NKPD1: variants seen among roughly 807,000 people sequenced by gnomAD.
The protein encoded by NKPD1 is NTPase KAP family P-loop domain containing 1, also known as NTPase KAP family P-loop domain-containing protein 1.
In NKPD1, 37 loss-of-function variants were observed where a neutral mutation model predicts 42.2. That is an observed-to-expected ratio of 0.88 (90% CI 0.67 to 1.15). The LOEUF is 1.15. NKPD1 is among the 50% of genes most tolerant of loss of function. The probability of loss-of-function intolerance (pLI) is 0.00; values close to 1 mark genes in which losing one functional copy is unlikely to be tolerated. For synonymous variants in NKPD1, 552 were observed against 536.5 expected (o/e 1.03, Z -0.40); for missense variants, 1,113 against 1,174.6 (o/e 0.95, Z 0.77).
In NKPD1 at chr19:45,151,572, G is replaced by A. The variant is rs752659658; in HGVS notation, c.*366C>T. The A allele has an allele frequency of 6.9e-5, 14 of 203,386 alleles. No homozygotes were observed. Among genetic ancestry groups the A allele is most frequent in the Admixed American group, 1.2e-4 (2 of 16,744 alleles). 12.6% of individuals were successfully genotyped at this position (203,386 alleles called of 1,614,324 possible). On this transcript the variant is annotated 3_prime_UTR_variant, in exon 5 of 5. Coordinates refer to ENST00000686631, the MANE Select transcript of NKPD1 (RefSeq NM_198478.4). Reference sequence around the variant, plus strand: ...TGCCACAGAGATGCCAGATGAGGAGGCCAGCATGGTGCAGAGGAGTAAGTG... The same window carrying A: ...TGCCACAGAGATGCCAGATGAGGAGACCAGCATGGTGCAGAGGAGTAAGTG...
Position 45,151,696 on chromosome 19 carries a change from C to A in NKPD1, c.*242G>T. On this transcript the variant is annotated 3_prime_UTR_variant, in exon 5 of 5. Transcript: ENST00000686631. ...AGCAACTCCGGGCTCTCAACACCTC[C>A]ATTTATTGCATGTATACCCTGACTT... is the stretch of plus-strand genomic sequence containing the variant. 6.4e-6 allele frequency: 3 copies of A among 471,418 alleles called. No individual in the cohort carries two copies. Among genetic ancestry groups the A allele is most frequent in the Middle Eastern group, 5.4e-4 (1 of 1,850 alleles). 29.2% of individuals were successfully genotyped at this position (471,418 alleles called of 1,614,324 possible). A position where few individuals can be genotyped will look rare whatever the true frequency, so the allele number is the denominator to read the frequency against.
Position 45,155,842 on chromosome 19 carries a change from CGGTCACAGGGACCG to C in NKPD1, c.590_603del (p.Pro197ArgfsTer81). ...CAGCCGAAAGGGGCATAGAAACCCA[CGGTCACAGGGACCG>C]GCACGTGGCAGAGTGTCTTGGCCAG... On this transcript the variant is annotated frameshift_variant, in exon 4 of 5. Transcript: ENST00000686631. LOFTEE classifies it high-confidence loss of function. The C allele has an allele frequency of 7.7e-7, 1 of 1,305,396 alleles. No homozygotes were observed. Among genetic ancestry groups the C allele is most frequent in the South Asian group, 1.2e-5 (1 of 81,036 alleles). 80.9% of individuals were successfully genotyped at this position (1,305,396 alleles called of 1,614,324 possible).
chr19:45,161,393 T>C (rs973425138), upstream of NKPD1, among the ~76,000 whole-genome samples: 1 of 152,220 alleles, frequency 6.6e-6, no homozygotes, highest in Admixed American at 6.5e-5. Context: ...GCTCAGGGCC[T>C]GGCGCACCTG....
chr19:45,156,617 G>T (rs556046391), intron 3 of NKPD1, among the ~76,000 whole-genome samples: 1 of 152,348 alleles, frequency 6.6e-6, no homozygotes, highest in South Asian at 2.1e-4. Flanking sequence ...TCAATGTCAT[G>T]GTCTCCAGTG....
chr19:45,161,897 T>A (rs925337691), upstream of NKPD1, among the ~76,000 whole-genome samples: 8 of 152,066 alleles, frequency 5.3e-5, no homozygotes, highest in East Asian at 1.2e-3. Context: ...CAGGACAAGA[T>A]AAAGGGAACC....
rs1373788375 is a variant in NKPD1, at chr19:45,149,900, T to C, written c.*2038A>G. 1 of 152,050 alleles carries C rather than the reference T, an allele frequency of 6.6e-6. No homozygotes were observed. Among genetic ancestry groups the C allele is most frequent in the Non-Finnish European group, 1.5e-5 (1 of 68,026 alleles). The allele number at this position is 152,050 out of a possible 1,614,324, so 9.4% of individuals were successfully genotyped here. A position where few individuals can be genotyped will look rare whatever the true frequency, so the allele number is the denominator to read the frequency against. On this transcript the variant is annotated 3_prime_UTR_variant, in exon 5 of 5. Transcript: ENST00000686631. ...AAGGATCCCGGATCAAGTGGGCAGA[T>C]GGGGGAAGGGAGTGGAGAAGGGAAA... is the stretch of plus-strand genomic sequence containing the variant.
intron 2 of NKPD1, among the ~76,000 whole-genome samples, chr19:45,159,493 G>A (rs1419573882): frequency 4.6e-5 from 7 of 152,150 alleles, no homozygotes; most frequent in African/African-American, 1.7e-4. Flanking sequence ...AGGCCGGAGT[G>A]ATGGGTGGTG....
At position 45,152,758 on chromosome 19, in the gene NKPD1, G is replaced by T. The variant is rs757630488; in HGVS notation, c.1679C>A (p.Pro560Gln). ...DLLYREMTRK[P>Q]WLPGDAGGES... ...GCCCCCGGCGTCCCCCGGCAGCCAC[G>T]GCTTGCGCGTCATCTCGCGGTACAA... The change falls in exon 5 of 5, where the codon CCG (proline) becomes CAG (glutamine). Residue 560 changes from proline to glutamine, a missense_variant. Pro to Gln is a moderately conservative substitution (Grantham distance 76). Transcript: ENST00000686631. 6.3e-7 allele frequency: 1 copy of T among 1,595,032 alleles called. No homozygotes were observed. The highest frequency in any genetic ancestry group is 1.7e-5 in the Admixed American group (1 of 58,448).
upstream of NKPD1, among the ~76,000 whole-genome samples, chr19:45,161,691 T>C (rs939167011): frequency 6.6e-6 from 1 of 152,140 alleles, no homozygotes; most frequent in African/African-American, 2.4e-5. Context: ...GGGCCAGCAC[T>C]CAGTGACTGC....
chr19:45,153,091 C>G lies in NKPD1; in HGVS notation c.1346G>C (p.Arg449Pro). 2 of 1,575,336 alleles carry G rather than the reference C, an allele frequency of 1.3e-6. No individual in the cohort carries two copies. Among genetic ancestry groups the G allele is most frequent in the Non-Finnish European group, 1.7e-6 (2 of 1,161,024 alleles). The change falls in exon 5 of 5, where the codon CGG (arginine) becomes CCG (proline). Residue 449 changes from arginine (R) to proline (P), a missense_variant. Physicochemically the swap from Arg to Pro is moderately radical, Grantham distance 103. Transcript: ENST00000686631. ...CTCCAGCACCACGCGCAGCCTGCGC[C>G]GCTGGTAGATCTCCAGGAAGCACAG... ...DFLCFLEIYQ[R>P]RRLRVVLEVT...
Position 45,152,158 on chromosome 19 carries a change from A to C in NKPD1, c.2279T>G (p.Val760Gly). The C allele has an allele frequency of 1.3e-6, 2 of 1,596,806 alleles. No homozygotes were observed. Among genetic ancestry groups the C allele is most frequent in the Non-Finnish European group, 1.7e-6 (2 of 1,172,870 alleles). The stretch of plus-strand genomic sequence containing the variant: ...CGGGCTGGGCGGCTTGAGCGCGCTG[A>C]CGGCTCGGATGAGACCCATGCGCCG... ...IRRRMGLIRA[V>G]SALKPPSPPK... The change falls in exon 5 of 5, where the codon GTC (valine) becomes GGC (glycine). Residue 760 changes from valine (V) to glycine (G), a missense_variant. By Grantham distance (109) the Val-to-Gly change is moderately radical. Coordinates refer to ENST00000686631, the MANE Select transcript of NKPD1 (RefSeq NM_198478.4).
At chr19:45,162,533 C>G (rs1969028153), upstream of NKPD1, among the ~76,000 whole-genome samples, 1 of 152,098 alleles carries the variant, frequency 6.6e-6, no homozygotes, top group African/African-American at 2.4e-5. Context: ...AAGGGCCACT[C>G]TGCCCAGGGA....
rs572358357 is a variant in NKPD1 at position 45,158,747 on chromosome 19, C to T, written c.445G>A (p.Val149Ile). 41 of 1,213,186 alleles carry T rather than the reference C, an allele frequency of 3.4e-5. No homozygotes were observed. The highest frequency in any genetic ancestry group is 4.8e-5 in the African/African-American group (3 of 62,230). 75.2% of individuals were successfully genotyped at this position (1,213,186 alleles called of 1,614,324 possible). A position where few individuals can be genotyped will look rare whatever the true frequency, so the allele number is the denominator to read the frequency against. ...GTGGGCTCGCTGGGCTTCAGGAGGA[C>T]GCCAGCCGCGGAGGGTAGAGCTGGG... ...SGPALPSAAG[V>I]LLKPSEPTDA... The change falls in exon 3 of 5, where the codon GTC (valine) becomes ATC (isoleucine). Residue 149 changes from valine (V) to isoleucine (I), a missense_variant. Physicochemically the swap from Val to Ile is conservative, Grantham distance 29. Around this residue, in one of 3 missense-constraint regions of NKPD1, gnomAD observed 204 missense variants for 227.8 expected, o/e 0.90. Transcript: ENST00000686631. This position sits in a 1 kb window ranked among gnomAD's most constrained non-coding sequence, Gnocchi z 4.6.
chr19:45,152,895 G>C lies in NKPD1; in HGVS notation c.1542C>G (p.Asn514Lys). Residue 514 changes from asparagine to lysine, a missense_variant, in exon 5 of 5, where the codon AAC becomes AAG. Asn to Lys is a moderately conservative substitution (Grantham distance 94). Coordinates refer to ENST00000686631, the MANE Select transcript of NKPD1 (RefSeq NM_198478.4). ...SAGNMKGTAD[N>K]GYLFLNRTVT... ...CAGTGCGGTTGAGGAAGAGGTAGCCGTTATCGGCCGTGCCCTTCATGTTGC... is the reference window on the plus strand; with the variant it reads ...CAGTGCGGTTGAGGAAGAGGTAGCCCTTATCGGCCGTGCCCTTCATGTTGC... The C allele has an allele frequency of 6.3e-7, 1 of 1,582,318 alleles. No homozygotes were observed. The highest frequency in any genetic ancestry group is 8.6e-7 in the Non-Finnish European group (1 of 1,161,522).
Position 45,160,251 on chromosome 19 carries a change from C to G in NKPD1, c.-71-30G>C. The G allele has an allele frequency of 4.8e-6, 3 of 629,802 alleles. No individual in the cohort carries two copies. The South Asian group carries it at 5.2e-5, about 11-fold the overall frequency. 39.0% of individuals were successfully genotyped at this position (629,802 alleles called of 1,614,324 possible). ...GGCACGAACAGCAGAGAGCTGAGGT[C>G]AGGGTCCCTGCCCTGCCCGACAGCT... is the stretch of plus-strand genomic sequence containing the variant. On this transcript the variant is annotated intron_variant, in intron 1 of 4. Coordinates refer to ENST00000686631, the MANE Select transcript of NKPD1 (RefSeq NM_198478.4).
At position 45,160,982 on chromosome 19, in the gene NKPD1, C is replaced by G. The variant is rs949503246; in HGVS notation, c.-129G>C. Among the ~76,000 whole-genome samples, 1 of 152,134 alleles carries G rather than the reference C, an allele frequency of 6.6e-6. No homozygotes were observed. The highest frequency in any genetic ancestry group is 6.5e-5 in the Admixed American group (1 of 15,268). Reference sequence around the variant, plus strand: ...CCCACGAGCAGCTGCCACACCAGCCCGGACTGTCAGCGCAGGCCCATCCAG... The same window carrying G: ...CCCACGAGCAGCTGCCACACCAGCCGGGACTGTCAGCGCAGGCCCATCCAG... On this transcript the variant is annotated 5_prime_UTR_variant, in exon 1 of 5. Coordinates refer to ENST00000686631, the MANE Select transcript of NKPD1 (RefSeq NM_198478.4).
At chr19:45,156,866 A>C (rs909351763) in intron 3 of NKPD1, among the ~76,000 whole-genome samples, 1 of 152,224 alleles carries the variant, frequency 6.6e-6, no homozygotes, top group African/African-American at 2.4e-5. Flanking sequence ...CAGAGCCAGG[A>C]GGCCAGGAAG....
chr19:45,153,159 G>A lies in NKPD1; in HGVS notation c.1278C>T (p.Phe426=). The change falls in exon 5 of 5, where the codon TTC becomes TTT. Residue 426 remains phenylalanine (F), a synonymous_variant. Transcript: ENST00000686631. The part of the protein sequence containing the change: ...SREKFGSQLG[F]MCEVKKEVEL... ...CCACCTCCTTCTTCACCTCGCACATGAAACCCAGCTGGCTGCCGAACTTTT... is the reference window on the plus strand; with the variant it reads ...CCACCTCCTTCTTCACCTCGCACATAAAACCCAGCTGGCTGCCGAACTTTT... 2 of 1,580,142 alleles carry A rather than the reference G, an allele frequency of 1.3e-6. No individual in the cohort carries two copies. Among genetic ancestry groups the A allele is most frequent in the Non-Finnish European group, 1.7e-6 (2 of 1,163,922 alleles).
Position 45,152,264 on chromosome 19 carries a change from GGAAGCGCTC to G in NKPD1, c.2164_2172del (p.Glu722_Phe724del). ...ACGGTGAAGGGGAAGTCGGCGCCCA[GGAAGCGCTC>G]GAAGAGCTCGGGGTCGCCGTCCAGG... On this transcript the variant is annotated inframe_deletion, in exon 5 of 5. Transcript: ENST00000686631. The G allele has an allele frequency of 6.2e-7, 1 of 1,609,748 alleles. No homozygotes were observed. The highest frequency in any genetic ancestry group is 8.5e-7 in the Non-Finnish European group (1 of 1,178,694).
Sources: allele counts gnomAD v4.1 joint callset (sites outside exome capture counted in the v4.1 genomes callset), GRCh38; gene constraint gnomAD v4.1.1; regional missense constraint gnomAD v4.1.1; non-coding constraint Gnocchi (gnomAD v3.1); transcripts MANE v1.5; gene names NCBI Gene and HGNC (gene_info 2026-07-23, HGNC 2026-07-21).